Variants in PNPLA7 observed in about 807,000 individuals in gnomAD.
PNPLA7 encodes patatin-like phospholipase domain-containing protein 7.
In PNPLA7, 153 loss-of-function variants were observed where a neutral mutation model predicts 161.7. The observed-to-expected ratio is 0.95, with a 90% confidence interval of 0.83 to 1.08. The LOEUF is 1.08. PNPLA7 is among the 50% of genes least tolerant of loss of function. PNPLA7 has a pLI of 0.00. For synonymous variants in PNPLA7, 809 were observed against 782.1 expected, an observed-to-expected ratio of 1.03 and a Z score of -0.57; for missense variants, 1,739 against 1,856.6, an observed-to-expected ratio of 0.94 and a Z score of 1.16.
intron 8 of PNPLA7, among the ~76,000 whole-genome samples, chr9:137,534,650 G>A (rs1427167861): frequency 1.3e-5 from 2 of 152,244 alleles, no homozygotes; most frequent in Admixed American, 6.5e-5. Context: ...TCCTCCTGCA[G>A]GGAGTGTCCC....
At chr9:137,493,761 A>G (rs886724219) in intron 19 of PNPLA7, among the ~76,000 whole-genome samples, 6 of 152,228 alleles carry the variant, frequency 3.9e-5, no homozygotes, top group African/African-American at 1.4e-4. Flanking sequence ...CCTGCAGGCC[A>G]GGACAAAGAT....
At chr9:137,466,767 A>T (rs1831489290) in intron 26 of PNPLA7, among the ~76,000 whole-genome samples, 1 of 145,732 alleles carries the variant, frequency 6.9e-6, no homozygotes, top group Non-Finnish European at 1.5e-5. Flanking sequence ...GGCACGGATC[A>T]GACCGCCTCC....
intron 33 of PNPLA7, 87 bp downstream of exon 33, chr9:137,461,448 TG>T: frequency 9.5e-7 from 1 of 1,056,708 alleles, no homozygotes; most frequent in South Asian, 1.5e-5. Flanking sequence ...GGGGAGGCCG[TG>T]GGCCTCTGGG....
At chr9:137,514,162 C>T (rs998662269) in intron 12 of PNPLA7, among the ~76,000 whole-genome samples, 1 of 147,272 alleles carries the variant, frequency 6.8e-6, no homozygotes, top group African/African-American at 2.5e-5. Context: ...GCGGGCGTGT[C>T]ACCCGGCTGT....
rs539695191 is a variant in PNPLA7 at position 137,460,155 on chromosome 9, T to G, written c.*238A>C. The G allele has an allele frequency of 3.2e-5, 14 of 442,200 alleles. No individual in the cohort carries two copies. The highest frequency in any genetic ancestry group is 1.2e-4 in the African/African-American group (6 of 48,998). 27.4% of individuals were successfully genotyped at this position (442,200 alleles called of 1,614,324 possible). ...AGGGCTGCAGGGGGTTCACAGAGCTTCAGGGGCCTCACAGAGCTTCAGGGG... is the reference window on the plus strand; with the variant it reads ...AGGGCTGCAGGGGGTTCACAGAGCTGCAGGGGCCTCACAGAGCTTCAGGGG... On this transcript the variant is annotated 3_prime_UTR_variant, in exon 35 of 35. Coordinates refer to ENST00000406427, the MANE Select transcript of PNPLA7 (RefSeq NM_001098537.3).
At position 137,467,621 on chromosome 9, in the gene PNPLA7, T is replaced by G. The variant is rs79737546; in HGVS notation, c.2883-148A>C. 3,469 of 1,134,060 alleles carry G rather than the reference T, an allele frequency of 3.1e-3. 86 individuals carry two copies. In the African/African-American group the frequency reaches 0.048, roughly 16 times the overall value. The allele number at this position is 1,134,060 out of a possible 1,614,324, so 70.2% of individuals were successfully genotyped here. The stretch of plus-strand genomic sequence containing the variant: ...GACTCCAGATGCAGTTTAAAACCCC[T>G]CTTTCCGGGCTCACGCCTGTCATCT... On this transcript the variant is annotated intron_variant, in intron 25 of 34. Coordinates refer to ENST00000406427, the MANE Select transcript of PNPLA7 (RefSeq NM_001098537.3). The surrounding 1 kb of genome is among the most constrained non-coding windows in gnomAD (Gnocchi z 5.1).
At chr9:137,498,734 CCCGGTGGTCGTGTGTGGA>C (rs1833209229) in intron 16 of PNPLA7, among the ~76,000 whole-genome samples, 1 of 152,048 alleles carries the variant, frequency 6.6e-6, no homozygotes, top group Non-Finnish European at 1.5e-5. Flanking sequence ...CTGTTCTCTC[CCCGGTGGTCGTGTGTGGA>C]CAGACTGTCG....
intron 14 of PNPLA7, among the ~76,000 whole-genome samples, chr9:137,504,082 GA>G (rs756548186): frequency 7.0e-6 from 1 of 142,438 alleles, no homozygotes; most frequent in East Asian, 2.0e-4. Flanking sequence ...GGAAGAAGAA[GA>G]AGGAAGAAGA....
Position 137,543,581 on chromosome 9 carries a change from C to T in PNPLA7, c.366-9G>A. On this transcript the variant is annotated splice_polypyrimidine_tract_variant and intron_variant, in intron 5 of 34. Transcript: ENST00000406427. The surrounding 1 kb of genome is among the most constrained non-coding windows in gnomAD (Gnocchi z 6.9). Reference sequence around the variant, plus strand: ...TCTTGAAACGCAGAATCCTACAAGGCAGAGACACACTAGCCTTGAGCAGAC... The same window carrying T: ...TCTTGAAACGCAGAATCCTACAAGGTAGAGACACACTAGCCTTGAGCAGAC... 1 of 1,609,628 alleles carries T rather than the reference C, an allele frequency of 6.2e-7. No homozygotes were observed. Among genetic ancestry groups the T allele is most frequent in the African/African-American group, 1.3e-5 (1 of 74,974 alleles).
At chr9:137,519,729 G>A (rs1027149855) in intron 11 of PNPLA7, among the ~76,000 whole-genome samples, 188 bp downstream of exon 11, 3 of 151,648 alleles carry the variant, frequency 2.0e-5, no homozygotes, top group Non-Finnish European at 4.4e-5. Flanking sequence ...GTGCGTGTGA[G>A]TAGACCTGGG....
intron 1 of PNPLA7, among the ~76,000 whole-genome samples, chr9:137,549,601 C>T (rs1836739204): frequency 6.8e-6 from 1 of 147,656 alleles, no homozygotes. Flanking sequence ...TCAAGACCAG[C>T]CTGGCCAACA....
At chr9:137,498,791 C>A (rs1342902132) in intron 16 of PNPLA7, among the ~76,000 whole-genome samples, 1 of 152,094 alleles carries the variant, frequency 6.6e-6, no homozygotes, top group Non-Finnish European at 1.5e-5. Context: ...GGGACGTGCC[C>A]AGGGGCTCTG....
intron 21 of PNPLA7, among the ~76,000 whole-genome samples, chr9:137,482,240 C>T (rs1267223834): frequency 6.6e-6 from 1 of 152,224 alleles, no homozygotes; most frequent in Non-Finnish European, 1.5e-5. Flanking sequence ...TTGGTGTTTA[C>T]CCAAAGGAAC....
At chr9:137,519,139 C>T (rs1427428155) in intron 11 of PNPLA7, among the ~76,000 whole-genome samples, 1 of 152,270 alleles carries the variant, frequency 6.6e-6, no homozygotes, top group Non-Finnish European at 1.5e-5. Flanking sequence ...CTCTCATCAG[C>T]ATTGCTTCAT....
Position 137,523,320 on chromosome 9 carries a change from C to T in PNPLA7, c.748-463G>A, listed in dbSNP as rs1418602603. 1.3e-5 allele frequency among the ~76,000 whole-genome samples: 2 copies of T among 152,052 alleles called. No homozygotes were observed. The highest frequency in any genetic ancestry group is 1.5e-5 in the Non-Finnish European group (1 of 68,010). Reference sequence around the variant, plus strand: ...GCCACCACTGTCAAATGCCCACCGCCACAGTGGGGTCACCGCCTAGGACAG... The same window carrying T: ...GCCACCACTGTCAAATGCCCACCGCTACAGTGGGGTCACCGCCTAGGACAG... On this transcript the variant is annotated intron_variant, in intron 8 of 34. Coordinates refer to ENST00000406427, the MANE Select transcript of PNPLA7 (RefSeq NM_001098537.3). This position sits in a 1 kb window ranked among gnomAD's most constrained non-coding sequence, Gnocchi z 4.4.
intron 20 of PNPLA7, chr9:137,492,346 A>C: frequency 1.0e-6 from 1 of 983,604 alleles, no homozygotes; most frequent in Non-Finnish European, 1.2e-6. Context: ...AATAGGAGGG[A>C]GATATATCAC....
chr9:137,519,494 C>T (rs776058103), intron 11 of PNPLA7, among the ~76,000 whole-genome samples: 7 of 152,132 alleles, frequency 4.6e-5, no homozygotes, highest in Admixed American at 4.6e-4. Flanking sequence ...TGTGAGGAGA[C>T]GGGCACACGT....
At chr9:137,549,220 C>T (rs922882802) in intron 1 of PNPLA7, among the ~76,000 whole-genome samples, 15 of 152,092 alleles carry the variant, frequency 9.9e-5, no homozygotes, top group South Asian at 2.1e-4. Context: ...CAGTGTCTCA[C>T]GCCTGTAATC....
chr9:137,469,338 C>CTT (rs756745012), intron 25 of PNPLA7, among the ~76,000 whole-genome samples: 38 of 152,272 alleles, frequency 2.5e-4, no homozygotes, highest in Middle Eastern at 3.4e-3. Context: ...GCACCAAACT[C>CTT]TAATGTATGT....
Sources: allele counts gnomAD v4.1 joint callset (sites outside exome capture counted in the v4.1 genomes callset), GRCh38; gene constraint gnomAD v4.1.1; non-coding constraint Gnocchi (gnomAD v3.1); transcripts MANE v1.5; gene names NCBI Gene and HGNC (gene_info 2026-07-23, HGNC 2026-07-21).